Variants in KSR2 observed in about 807,000 individuals in gnomAD.
The protein encoded by KSR2 is kinase suppressor of ras 2.
KSR2 carries 25 observed loss-of-function variants against 107.8 expected under a neutral mutation model. That is an observed-to-expected ratio of 0.23 (90% CI 0.17 to 0.32). The LOEUF (loss-of-function observed/expected upper bound fraction) is 0.32. KSR2 is among the 10% of genes least tolerant of loss of function. The pLI is 1.00. For synonymous variants in KSR2, 480 were observed against 507.0 expected (o/e 0.95, Z 0.71); for missense variants, 887 against 1,268.9 (o/e 0.70, Z 4.57).
intron 14 of KSR2, among the ~76,000 whole-genome samples, chr12:117,519,086 G>T (rs1382303083): frequency 6.6e-6 from 1 of 152,232 alleles, no homozygotes; most frequent in Non-Finnish European, 1.5e-5. Flanking sequence ...ATGTGGTCTG[G>T]CACTGTGCCG....
rs188853656 is a variant in KSR2 at position 117,730,296 on chromosome 12, G to A, written c.986+30715C>T. On this transcript the variant is annotated intron_variant, in intron 4 of 19. Coordinates refer to ENST00000339824, the MANE Select transcript of KSR2 (RefSeq NM_173598.6). ...AGTTTCATTCACTACAACGGATGATGATAAAACCTACCTCGTGGGATGCTA... is the reference window on the plus strand; with the variant it reads ...AGTTTCATTCACTACAACGGATGATAATAAAACCTACCTCGTGGGATGCTA... Among the ~76,000 whole-genome samples the A allele has an allele frequency of 2.0e-3, 304 of 152,270 alleles. 2 individuals carry two copies. Among genetic ancestry groups the A allele is most frequent in the African/African-American group, 7.1e-3 (295 of 41,554 alleles).
At chr12:117,675,756 C>T (rs1217344249) in intron 4 of KSR2, among the ~76,000 whole-genome samples, 2 of 152,196 alleles carry the variant, frequency 1.3e-5, no homozygotes, top group African/African-American at 4.8e-5. Flanking sequence ...GGCCAAATCC[C>T]TCAGCATCTC....
Position 117,821,932 on chromosome 12 carries a change from A to C in KSR2, c.472+33496T>G, listed in dbSNP as rs539529493. Reference sequence around the variant, plus strand: ...CTGCATTCCCAGACACAGGCATTCTAAGTCACAGGATGGGATGGGAGGTTG... The same window carrying C: ...CTGCATTCCCAGACACAGGCATTCTCAGTCACAGGATGGGATGGGAGGTTG... On this transcript the variant is annotated intron_variant, in intron 3 of 19. Transcript: ENST00000339824. Among the ~76,000 whole-genome samples, 13 of 152,296 alleles carry C rather than the reference A, an allele frequency of 8.5e-5. No individual in the cohort carries two copies. The East Asian group carries it at 2.5e-3, about 29-fold the overall frequency.
intron 4 of KSR2, among the ~76,000 whole-genome samples, chr12:117,740,083 C>A (rs903975651): frequency 1.3e-5 from 2 of 151,364 alleles, no homozygotes; most frequent in Admixed American, 1.3e-4. Context: ...AGTGGCCCCC[C>A]ACCCTTCCTT....
intron 2 of KSR2, among the ~76,000 whole-genome samples, chr12:117,859,076 T>C (rs1225198847): frequency 1.3e-5 from 2 of 151,596 alleles, no homozygotes; most frequent in African/African-American, 4.9e-5. Context: ...AGATGTCAGA[T>C]GCTCACAACA....
intron 5 of KSR2, among the ~76,000 whole-genome samples, chr12:117,655,442 TG>T (rs1307254162): frequency 6.6e-6 from 1 of 152,184 alleles, no homozygotes; most frequent in Admixed American, 6.5e-5. Context: ...TCTGCAGGAC[TG>T]GGGCAAAGTT....
In KSR2 at chr12:117,760,312, T is replaced by C. The variant is rs142570566; in HGVS notation, c.986+699A>G. Among the ~76,000 whole-genome samples, 102 of 152,306 alleles carry C rather than the reference T, an allele frequency of 6.7e-4. 2 individuals are homozygous for C. In the East Asian group the frequency reaches 0.018, roughly 27 times the overall value. Reference sequence around the variant, plus strand: ...CTCCCCCAAAGGGGTCCTCTGTCAATTTCCCCAACGTGTCCTGCTTCCTAC... The same window carrying C: ...CTCCCCCAAAGGGGTCCTCTGTCAACTTCCCCAACGTGTCCTGCTTCCTAC... On this transcript the variant is annotated intron_variant, in intron 4 of 19. Transcript: ENST00000339824.
chr12:117,673,044 C>T (rs1317580300), intron 4 of KSR2, among the ~76,000 whole-genome samples: 1 of 152,192 alleles, frequency 6.6e-6, no homozygotes, highest in Non-Finnish European at 1.5e-5. Context: ...AGCCTTGAGG[C>T]ACTGAGCTAA....
At chr12:117,716,728 T>A (rs950568404) in intron 4 of KSR2, among the ~76,000 whole-genome samples, 4 of 152,218 alleles carry the variant, frequency 2.6e-5, no homozygotes, top group Non-Finnish European at 5.9e-5. Context: ...TCCAGTCAAT[T>A]AACCTCAATA....
At chr12:117,552,581 C>A (rs1877384661) in intron 9 of KSR2, among the ~76,000 whole-genome samples, 1 of 152,196 alleles carries the variant, frequency 6.6e-6, no homozygotes, top group Non-Finnish European at 1.5e-5. Flanking sequence ...TACAGGTGCT[C>A]TAGTTGACAT....
intron 5 of KSR2, among the ~76,000 whole-genome samples, chr12:117,616,161 G>GAAAA (rs10632275): frequency 2.8e-4 from 32 of 114,162 alleles, no homozygotes; most frequent in Admixed American, 1.1e-3. Flanking sequence ...ACCCTGTCTC[G>GAAAA]AAAAAAAAAA....
chr12:117,498,791 C>T (rs1014370554), intron 14 of KSR2, among the ~76,000 whole-genome samples: 14 of 152,132 alleles, frequency 9.2e-5, no homozygotes, highest in Non-Finnish European at 1.5e-4. Context: ...AGTTTCCCTG[C>T]GCAAGTTTTC....
chr12:117,760,809 A>G (rs917304211), intron 4 of KSR2, among the ~76,000 whole-genome samples: 2 of 152,172 alleles, frequency 1.3e-5, no homozygotes, highest in Non-Finnish European at 2.9e-5. Context: ...TATTAATCGT[A>G]TTTTTTAAAC....
At chr12:117,806,969 C>T (rs540982151) in intron 3 of KSR2, among the ~76,000 whole-genome samples, 14 of 152,300 alleles carry the variant, frequency 9.2e-5, no homozygotes, top group African/African-American at 3.1e-4. Flanking sequence ...TCCCCGTGCC[C>T]GTCCCCTGTC....
chr12:117,608,974 C>T (rs1412904265), intron 5 of KSR2, among the ~76,000 whole-genome samples: 3 of 152,118 alleles, frequency 2.0e-5, no homozygotes, highest in Non-Finnish European at 2.9e-5. Flanking sequence ...GGAGTCTCCC[C>T]ACTATATTCT....
chr12:117,509,541 T>C (rs1351199289), intron 14 of KSR2, among the ~76,000 whole-genome samples: 1 of 152,212 alleles, frequency 6.6e-6, no homozygotes, highest in Non-Finnish European at 1.5e-5. Flanking sequence ...AATAATCCAC[T>C]GAGCTTCAGT....
At chr12:117,625,542 C>T (rs79042342) in intron 5 of KSR2, among the ~76,000 whole-genome samples, 5 of 152,196 alleles carry the variant, frequency 3.3e-5, no homozygotes, top group South Asian at 4.2e-4. Flanking sequence ...CTCACATCTC[C>T]GGGATGAAGC....
rs757749322 is a variant in KSR2 at position 117,469,732 on chromosome 12, C to T, written c.2776G>A (p.Asp926Asn). ...EERPTFTKLMDMLEKLPKRNR... is the reference protein window; with the variant it reads ...EERPTFTKLMNMLEKLPKRNR... Reference sequence around the variant, plus strand: ...CGCTTTGGCAGTTTCTCCAGCATGTCCATGAGCTTGGTGAAGGTAGGTCTC... The same window carrying T: ...CGCTTTGGCAGTTTCTCCAGCATGTTCATGAGCTTGGTGAAGGTAGGTCTC... The change falls in exon 19 of 20, where the codon GAC becomes AAC. Residue 926 changes from aspartate to asparagine, a missense_variant. Asp to Asn is a conservative substitution (Grantham distance 23). This residue lies in a region of KSR2 where 308 missense variants were observed against 506.2 expected (regional missense o/e 0.61). Transcript: ENST00000339824. 1.2e-6 allele frequency: 2 copies of T among 1,613,818 alleles called. No homozygotes were observed. The highest frequency in any genetic ancestry group is 1.7e-6 in the Non-Finnish European group (2 of 1,179,814).
intron 5 of KSR2, among the ~76,000 whole-genome samples, chr12:117,652,307 G>GA (rs1450830251): frequency 1.3e-5 from 2 of 151,922 alleles, no homozygotes; most frequent in Non-Finnish European, 2.9e-5. Context: ...ATAACTTATG[G>GA]AAAAAATAAA....
Sources: gnomAD v4.1 joint callset for allele counts (sites outside exome capture counted in the v4.1 genomes callset) on GRCh38, gnomAD v4.1.1 for gene constraint, gnomAD v4.1.1 regional missense constraint, MANE v1.5 for transcripts, NCBI Gene and HGNC (gene_info 2026-07-23, HGNC 2026-07-21) for gene names.